GPC3: variants seen among roughly 807,000 people sequenced by gnomAD.
GPC3 encodes the protein glypican 3.
A neutral mutation model predicts 34.4 loss-of-function variants in GPC3; 3 were observed. The observed-to-expected ratio is 0.09, with a 90% CI of 0.04 to 0.23. The LOEUF is 0.23. Among genes scored for constraint, GPC3 ranks in the 10% least tolerant of loss-of-function variants. The pLI is 1.00. For missense variants in GPC3, 351 were observed against 445.6 expected (o/e 0.79, Z 1.91); for synonymous variants, 177 against 174.0 (o/e 1.02, Z -0.13).
chrX:133,568,795 A>C (rs2069602145), intron 7 of GPC3, among the ~76,000 whole-genome samples: 1 of 111,006 alleles, frequency 9.0e-6, no homozygotes, highest in Admixed American at 9.6e-5. Context: ...AAAATGGTAT[A>C]TAGAGAGGCA....
intron 7 of GPC3, among the ~76,000 whole-genome samples, chrX:133,584,032 C>T (rs2069759252): frequency 9.0e-6 from 1 of 111,528 alleles, no homozygotes; most frequent in South Asian, 3.8e-4. Flanking sequence ...CCGTGCCTTC[C>T]CCCACTCAGC....
intron 3 of GPC3, among the ~76,000 whole-genome samples, chrX:133,707,686 T>G (rs1048391569): frequency 1.8e-5 from 2 of 111,657 alleles, no homozygotes; most frequent in African/African-American, 6.5e-5. Flanking sequence ...ATAAAGGTTA[T>G]GTCATGTATC....
chrX:133,832,703 T>C (rs923395826), intron 2 of GPC3, among the ~76,000 whole-genome samples: 1 of 112,314 alleles, frequency 8.9e-6, no homozygotes, highest in African/African-American at 3.2e-5. Context: ...AGTGAGCTTT[T>C]ATCATTCATA....
Position 133,558,666 on chromosome X carries a change from A to C in GPC3, c.1574-22373T>G, listed in dbSNP as rs767539151. 3.7e-4 allele frequency among the ~76,000 whole-genome samples: 41 copies of C among 110,132 alleles called. No homozygotes were observed. The South Asian group carries it at 0.013, about 34-fold the overall frequency. ...CCAGCACTTTGGGAGGCCTAGGTGG[A>C]TGGATCACGAGGTCAGGAGTTCAAG... On this transcript the variant is annotated intron_variant, in intron 7 of 7. Coordinates refer to ENST00000370818, the MANE Select transcript of GPC3 (RefSeq NM_004484.4).
At chrX:133,900,829 A>G (rs1033570366) in intron 2 of GPC3, among the ~76,000 whole-genome samples, 2 of 111,872 alleles carry the variant, frequency 1.8e-5, no homozygotes, top group African/African-American at 6.5e-5. Flanking sequence ...CACAAGCTCC[A>G]ATTGTGCTAG....
chrX:133,796,954 A>G (rs2075585090), intron 2 of GPC3, among the ~76,000 whole-genome samples: 1 of 111,266 alleles, frequency 9.0e-6, no homozygotes, highest in African/African-American at 3.3e-5. Flanking sequence ...ACCCCTCAAC[A>G]TCAAGTCTTC....
At chrX:133,808,677 C>T (rs1360295001) in intron 2 of GPC3, among the ~76,000 whole-genome samples, 1 of 110,308 alleles carries the variant, frequency 9.1e-6, no homozygotes, top group Admixed American at 9.7e-5. Flanking sequence ...AGCAAGATAC[C>T]ACATCTTCAT....
intron 2 of GPC3, among the ~76,000 whole-genome samples, chrX:133,833,927 C>T (rs760567272): frequency 9.0e-6 from 1 of 111,179 alleles, no homozygotes; most frequent in South Asian, 3.8e-4. Context: ...CTTTGTGTCT[C>T]TATGTCTCAC....
intron 5 of GPC3, among the ~76,000 whole-genome samples, chrX:133,687,092 ATTT>A (rs775110101): frequency 1.4e-5 from 1 of 69,279 alleles, no homozygotes; most frequent in African/African-American, 7.9e-5. Context: ...TGGCCGGCTA[ATTT>A]TTTTTTTTTT....
intron 7 of GPC3, among the ~76,000 whole-genome samples, chrX:133,588,580 A>G (rs944280146): frequency 1.8e-5 from 2 of 111,122 alleles, no homozygotes; most frequent in Non-Finnish European, 3.8e-5. Context: ...TTAATGCAAA[A>G]TGACTACCAG....
At chrX:133,884,321 C>T (rs1318017639) in intron 2 of GPC3, among the ~76,000 whole-genome samples, 1 of 111,678 alleles carries the variant, frequency 9.0e-6, no homozygotes, top group Non-Finnish European at 1.9e-5. Context: ...TCCAGAGTCT[C>T]ATTCCTCCAG....
At chrX:133,824,127 CA>C (rs996913401) in intron 2 of GPC3, among the ~76,000 whole-genome samples, 1 of 107,342 alleles carries the variant, frequency 9.3e-6, no homozygotes, top group Non-Finnish European at 1.9e-5. Context: ...TCAAATAACC[CA>C]AAGGAAAACA....
rs781534565 is a variant in GPC3, at chrX:133,756,274, C to T, written c.338-2098G>A. 3.6e-5 allele frequency among the ~76,000 whole-genome samples: 4 copies of T among 112,307 alleles called. No homozygotes were observed. The South Asian group carries it at 1.5e-3, about 41-fold the overall frequency. ...ATAACAGTTACACGCTTGCTGCCTT[C>T]GACCTACAGCCAATACATATAGTCT... On this transcript the variant is annotated intron_variant, in intron 2 of 7. Transcript: ENST00000370818.
intron 7 of GPC3, among the ~76,000 whole-genome samples, chrX:133,575,438 G>T (rs1321509204): frequency 8.9e-6 from 1 of 111,949 alleles, no homozygotes; most frequent in Non-Finnish European, 1.9e-5. Flanking sequence ...CCCATAACAT[G>T]CAATTCTCTA....
intron 2 of GPC3, among the ~76,000 whole-genome samples, chrX:133,906,723 G>A (rs2076169068): frequency 8.9e-6 from 1 of 111,991 alleles, no homozygotes; most frequent in Non-Finnish European, 1.9e-5. Flanking sequence ...TGCAAGGCAC[G>A]TTTTCATTTC....
intron 2 of GPC3, among the ~76,000 whole-genome samples, chrX:133,861,240 C>A (rs935761369): frequency 9.0e-6 from 1 of 111,200 alleles, no homozygotes; most frequent in Non-Finnish European, 1.9e-5. Flanking sequence ...AGTTTGGTTA[C>A]CCTTAATTTA....
intron 2 of GPC3, among the ~76,000 whole-genome samples, chrX:133,776,947 T>C (rs1175030138): frequency 9.9e-6 from 1 of 100,619 alleles, no homozygotes; most frequent in South Asian, 5.3e-4. Context: ...TGGCGCGATC[T>C]CAGCTCACTG....
intron 7 of GPC3, among the ~76,000 whole-genome samples, chrX:133,541,464 T>C (rs2069342521): frequency 8.9e-6 from 1 of 111,879 alleles, no homozygotes; most frequent in Admixed American, 9.5e-5. Context: ...TCTATCTTGA[T>C]CATCAGTGAG....
intron 3 of GPC3, among the ~76,000 whole-genome samples, chrX:133,710,205 C>T (rs2124445774): frequency 8.9e-6 from 1 of 112,108 alleles, no homozygotes; most frequent in South Asian, 3.8e-4. Flanking sequence ...TCCTACAGAT[C>T]AGCCTGCTGC....
Sources: gnomAD v4.1 joint callset for allele counts (sites outside exome capture counted in the v4.1 genomes callset) on GRCh38, gnomAD v4.1.1 for gene constraint, MANE v1.5 for transcripts, NCBI Gene and HGNC (gene_info 2026-07-23, HGNC 2026-07-21) for gene names.